The following MAP4K5 variants were observed in gnomAD, a reference collection of about 807,000 sequenced individuals.
MAP4K5 encodes the protein MAPK/ERK kinase kinase kinase 5.
Under a neutral mutation model 135.6 loss-of-function variants are expected in MAP4K5, and 82 were observed. The ratio of observed to expected loss-of-function variants is 0.60; its 90% CI spans 0.51 to 0.73. MAP4K5 has a LOEUF of 0.73. Ranked by LOEUF, MAP4K5 falls within the 30% of genes least tolerant of loss-of-function variation. The pLI is 0.00. For missense variants in MAP4K5, 907 were observed against 1,010.9 expected (o/e 0.90, Z 1.39); for synonymous variants, 347 against 335.0 (o/e 1.04, Z -0.39).
intron 2 of MAP4K5, among the ~76,000 whole-genome samples, chr14:50,509,679 A>C (rs2037889879): frequency 6.6e-6 from 1 of 152,102 alleles, no homozygotes; most frequent in African/African-American, 2.4e-5. Context: ...GAATTAAAAA[A>C]AAAAAAACAG....
chr14:50,425,155 GTC>G (rs3049968), intron 31 of MAP4K5, among the ~76,000 whole-genome samples: 127,804 of 152,022 alleles, frequency 0.84, 55,265 homozygotes, highest in East Asian at 0.93. Context: ...AATGTGAAAT[GTC>G]TCTGTTAGTA....
chr14:50,447,368 T>C (rs1483379939), intron 16 of MAP4K5, 46 bp downstream of exon 16: 2 of 1,184,638 alleles, frequency 1.7e-6, no homozygotes, highest in Admixed American at 2.2e-5. Context: ...ATACTGTTCT[T>C]ATGTAATCAA....
At position 50,446,072 on chromosome 14, in the gene MAP4K5, A is replaced by T; in HGVS notation, c.1185+7T>A. 1 of 1,532,992 alleles carries T rather than the reference A, an allele frequency of 6.5e-7. No homozygotes were observed. Among genetic ancestry groups the T allele is most frequent in the Non-Finnish European group, 8.8e-7 (1 of 1,139,382 alleles). The allele number at this position is 1,532,992 out of a possible 1,614,324, so 95.0% of individuals were successfully genotyped here. ...GATTTAGTGTTCAAAATCATTAAGTAGCTCACCTTAGGAGGTAGGGGAGGT... is the reference window on the plus strand; with the variant it reads ...GATTTAGTGTTCAAAATCATTAAGTTGCTCACCTTAGGAGGTAGGGGAGGT... On this transcript the variant is annotated splice_region_variant and intron_variant, in intron 17 of 32. Coordinates refer to ENST00000682126, the MANE Select transcript of MAP4K5 (RefSeq NM_006575.6).
intron 1 of MAP4K5, among the ~76,000 whole-genome samples, chr14:50,550,975 A>G (rs1266320374): frequency 2.0e-5 from 3 of 152,134 alleles, no homozygotes; most frequent in African/African-American, 7.2e-5. Context: ...ACCTCAAGGA[A>G]CTAGAGAAAC....
intron 28 of MAP4K5, among the ~76,000 whole-genome samples, chr14:50,431,937 T>G (rs2035980127): frequency 6.6e-6 from 1 of 152,216 alleles, no homozygotes; most frequent in African/African-American, 2.4e-5. Flanking sequence ...AAACTGCACA[T>G]TCAAACATAA....
chr14:50,466,496 C>G, intron 11 of MAP4K5, 87 bp downstream of exon 11: 1 of 615,614 alleles, frequency 1.6e-6, no homozygotes, highest in Non-Finnish European at 2.9e-6. Flanking sequence ...CTATGGACTT[C>G]TGTTTAATCA....
intron 1 of MAP4K5, among the ~76,000 whole-genome samples, chr14:50,553,210 G>A (rs1267550974): frequency 6.6e-6 from 1 of 150,980 alleles, no homozygotes; most frequent in African/African-American, 2.4e-5. Context: ...GCAGGAGAAT[G>A]CAGTGAGCCG....
upstream of MAP4K5, among the ~76,000 whole-genome samples, chr14:50,534,116 C>A (rs561801338): frequency 4.9e-4 from 74 of 152,288 alleles, no homozygotes; most frequent in African/African-American, 1.6e-3. Flanking sequence ...GTCATAGATT[C>A]ATTTGAGATT....
intron 1 of MAP4K5, among the ~76,000 whole-genome samples, chr14:50,547,151 A>C (rs562258275): frequency 2.0e-5 from 3 of 152,354 alleles, no homozygotes; most frequent in East Asian, 3.9e-4. Context: ...ATAAGTTAGA[A>C]TAGTGATTAG....
chr14:50,479,035 T>C (rs2037174307), intron 6 of MAP4K5, among the ~76,000 whole-genome samples: 1 of 151,908 alleles, frequency 6.6e-6, no homozygotes, highest in African/African-American at 2.4e-5. Flanking sequence ...TGTTGTTTTT[T>C]GTGCTCAGGG....
intron 3 of MAP4K5, among the ~76,000 whole-genome samples, chr14:50,489,009 C>T (rs1253870052): frequency 6.6e-6 from 1 of 152,100 alleles, no homozygotes; most frequent in African/African-American, 2.4e-5. Context: ...CTACATCAGC[C>T]TCATAAAAAT....
intron 28 of MAP4K5, among the ~76,000 whole-genome samples, chr14:50,431,398 T>C (rs2035965716): frequency 6.6e-6 from 1 of 152,086 alleles, no homozygotes; most frequent in South Asian, 2.1e-4. Context: ...GCTATCCCTC[T>C]CCCCTTCCCC....
intron 3 of MAP4K5, among the ~76,000 whole-genome samples, chr14:50,495,030 G>A (rs1250641003): frequency 6.6e-6 from 1 of 152,040 alleles, no homozygotes; most frequent in East Asian, 1.9e-4. Flanking sequence ...AGTTATTTCT[G>A]GTATATGATA....
chr14:50,506,250 G>A (rs1188819350), intron 2 of MAP4K5, among the ~76,000 whole-genome samples: 1 of 152,158 alleles, frequency 6.6e-6, no homozygotes, highest in Admixed American at 6.5e-5. Context: ...CCTTCAAAGA[G>A]ATCCTTTTAA....
chr14:50,515,348 T>C (rs915801272), intron 2 of MAP4K5, among the ~76,000 whole-genome samples: 1 of 152,214 alleles, frequency 6.6e-6, no homozygotes, highest in Admixed American at 6.5e-5. Context: ...TTATACTTCC[T>C]TTCTAATCAC....
At chr14:50,431,663 T>C (rs982342563) in intron 28 of MAP4K5, among the ~76,000 whole-genome samples, 1 of 151,852 alleles carries the variant, frequency 6.6e-6, no homozygotes, top group Non-Finnish European at 1.5e-5. Flanking sequence ...TGTTGGACAT[T>C]TGGGTTGGTT....
intron 1 of MAP4K5, among the ~76,000 whole-genome samples, chr14:50,552,655 T>C (rs2038717046): frequency 6.6e-6 from 1 of 152,108 alleles, no homozygotes; most frequent in African/African-American, 2.4e-5. Flanking sequence ...GGTACTGCTA[T>C]AAAAATAGGC....
At chr14:50,520,326 C>G (rs2038122212) in intron 2 of MAP4K5, among the ~76,000 whole-genome samples, 1 of 152,164 alleles carries the variant, frequency 6.6e-6, no homozygotes, top group Non-Finnish European at 1.5e-5. Flanking sequence ...TGGTGAAACC[C>G]CATCTCTACT....
intron 22 of MAP4K5, 119 bp downstream of exon 22, chr14:50,440,243 C>T (rs1475857900): frequency 8.8e-6 from 7 of 795,268 alleles, no homozygotes; most frequent in Non-Finnish European, 1.4e-5. Context: ...CAATTTTATC[C>T]CTTTAAATAT....
Sources: gnomAD v4.1 joint callset for allele counts (sites outside exome capture counted in the v4.1 genomes callset) on GRCh38, gnomAD v4.1.1 for gene constraint, MANE v1.5 for transcripts, NCBI Gene and HGNC (gene_info 2026-07-23, HGNC 2026-07-21) for gene names.